Variants in USP47 observed in about 807,000 individuals in gnomAD.
USP47 encodes ubiquitin carboxyl-terminal hydrolase 47.
In USP47, 35 loss-of-function variants were observed where a neutral mutation model predicts 165.1. The observed-to-expected ratio is 0.21, with a 90% CI of 0.16 to 0.28. USP47 has a LOEUF of 0.28. Among genes scored for constraint, USP47 ranks in the 10% least tolerant of loss-of-function variants. The pLI, the probability that USP47 is intolerant of heterozygous loss-of-function variation, is 1.00. For synonymous variants in USP47, 531 were observed against 544.5 expected, an observed-to-expected ratio of 0.98 and a Z score of 0.35; for missense variants, 1,277 against 1,607.4, an observed-to-expected ratio of 0.79 and a Z score of 3.52.
chr11:11,936,044 C>T (rs375873011), intron 16 of USP47, among the ~76,000 whole-genome samples: 31 of 151,748 alleles, frequency 2.0e-4, no homozygotes, highest in South Asian at 8.3e-4. Flanking sequence ...ATGATGTTAA[C>T]TTTTTAAAAA....
intron 1 of USP47, among the ~76,000 whole-genome samples, chr11:11,875,198 T>G (rs1850332313): frequency 6.6e-6 from 1 of 152,168 alleles, no homozygotes; most frequent in Non-Finnish European, 1.5e-5. Context: ...TTAAAATACT[T>G]TATCTTAATT....
rs1246423946 is a variant in USP47, at chr11:11,948,483, A to G, written c.3273A>G (p.Thr1091=). Residue 1091 remains threonine (T), a synonymous_variant, in exon 22 of 28, where the codon ACA becomes ACG. Coordinates refer to ENST00000527733, the MANE Select transcript of USP47 (RefSeq NM_001282659.2). ...AAAATGTTTTTAACTTATAGATTAC[A>G]ATTAGACTGGGGAGAGCACTTAAAA... is the stretch of plus-strand genomic sequence containing the variant. ...LSSFSDDNKI[T]IRLGRALKKG... is the part of the protein sequence containing the mutation. The G allele has an allele frequency of 1.9e-6, 3 of 1,611,768 alleles. No individual in the cohort carries two copies. The African/African-American group carries it at 4.0e-5, about 22-fold the overall frequency.
chr11:11,900,395 C>T (rs910027877), intron 5 of USP47, among the ~76,000 whole-genome samples: 8 of 152,100 alleles, frequency 5.3e-5, no homozygotes, highest in Admixed American at 2.0e-4. Context: ...CTCCTGACCT[C>T]GTGATCCGCC....
intron 8 of USP47, among the ~76,000 whole-genome samples, chr11:11,910,704 A>G (rs552813226): frequency 6.6e-6 from 1 of 152,234 alleles, no homozygotes; most frequent in East Asian, 1.9e-4. Context: ...AGATGTCCAC[A>G]TAGGCCAAGT....
chr11:11,918,827 A>G (rs924252851), intron 8 of USP47, among the ~76,000 whole-genome samples: 1 of 152,004 alleles, frequency 6.6e-6, no homozygotes, highest in African/African-American at 2.4e-5. Context: ...AGTTTTTACC[A>G]GTTTAAATTA....
chr11:11,944,190 A>G (rs1157031492), intron 20 of USP47, among the ~76,000 whole-genome samples: 2 of 149,850 alleles, frequency 1.3e-5, no homozygotes, highest in East Asian at 3.9e-4. Flanking sequence ...GCCAGGCCCT[A>G]TGTAACTGTT....
intron 8 of USP47, among the ~76,000 whole-genome samples, chr11:11,914,131 T>A (rs562509493): frequency 1.3e-5 from 2 of 152,216 alleles, no homozygotes; most frequent in East Asian, 3.9e-4. Context: ...TGATTTGGAA[T>A]GGAATACTAC....
At chr11:11,944,872 C>G (rs1313818938) in intron 20 of USP47, among the ~76,000 whole-genome samples, 1 of 152,114 alleles carries the variant, frequency 6.6e-6, no homozygotes, top group Non-Finnish European at 1.5e-5. Context: ...GAATGATGTG[C>G]TAAAAATTTG....
intron 1 of USP47, among the ~76,000 whole-genome samples, chr11:11,867,533 A>G (rs565477287): frequency 7.9e-5 from 12 of 152,290 alleles, no homozygotes; most frequent in African/African-American, 2.9e-4. Flanking sequence ...ATTATTTTCT[A>G]GGAATTCTGC....
chr11:11,919,481 A>G, intron 8 of USP47, among the ~76,000 whole-genome samples: 1 of 151,914 alleles, frequency 6.6e-6, no homozygotes, highest in East Asian at 1.9e-4. Context: ...CTGATTCTTT[A>G]ACAGTATTTA....
At chr11:11,929,085 TATC>T (rs1854466918) in intron 11 of USP47, among the ~76,000 whole-genome samples, 1 of 152,086 alleles carries the variant, frequency 6.6e-6, no homozygotes, top group Non-Finnish European at 1.5e-5. Context: ...GGATTTTTTT[TATC>T]GACTGTGTAT....
chr11:11,938,461 C>G (rs1420207222), intron 18 of USP47, 89 bp downstream of exon 18: 11 of 901,890 alleles, frequency 1.2e-5, no homozygotes, highest in Non-Finnish European at 1.5e-5. Flanking sequence ...AAGATACATG[C>G]TTTACCTCCA....
chr11:11,934,084 C>G, intron 16 of USP47, 149 bp downstream of exon 16: 1 of 598,692 alleles, frequency 1.7e-6, no homozygotes, highest in East Asian at 3.2e-5. Context: ...ATATTTATAC[C>G]TCTCCTTTGG....
intron 8 of USP47, among the ~76,000 whole-genome samples, chr11:11,909,220 A>G (rs920921116): frequency 2.0e-5 from 3 of 152,160 alleles, no homozygotes; most frequent in Non-Finnish European, 4.4e-5. Flanking sequence ...GTTGTTTTAC[A>G]TATTTTTTAT....
intron 15 of USP47, 121 bp downstream of exon 15, chr11:11,933,237 C>A: frequency 1.2e-6 from 1 of 835,752 alleles, no homozygotes; most frequent in Non-Finnish European, 1.9e-6. Flanking sequence ...GATCATTGAA[C>A]AGTGTAACCA....
At chr11:11,940,053 C>T (rs1855355450) in intron 18 of USP47, among the ~76,000 whole-genome samples, 1 of 151,858 alleles carries the variant, frequency 6.6e-6, no homozygotes, top group South Asian at 2.1e-4. Context: ...ATAGAAAGGC[C>T]TGTCAAAAGC....
At chr11:11,857,884 A>G (rs1312541098) in intron 1 of USP47, among the ~76,000 whole-genome samples, 1 of 152,196 alleles carries the variant, frequency 6.6e-6, no homozygotes, top group Non-Finnish European at 1.5e-5. Flanking sequence ...CTTCATTTGC[A>G]TAGAAGTGCA....
chr11:11,945,345 G>A (rs554549203), intron 20 of USP47, among the ~76,000 whole-genome samples: 5 of 152,116 alleles, frequency 3.3e-5, no homozygotes, highest in Non-Finnish European at 7.4e-5. Context: ...TGATAAAATG[G>A]CAAGGAAGAA....
intron 1 of USP47, among the ~76,000 whole-genome samples, chr11:11,871,831 C>T (rs1850088579): frequency 1.3e-5 from 2 of 152,164 alleles, no homozygotes; most frequent in Non-Finnish European, 2.9e-5. Flanking sequence ...TGCACTGCAG[C>T]CTAGAAGGTG....
Sources: gnomAD v4.1 joint callset for allele counts (sites outside exome capture counted in the v4.1 genomes callset) on GRCh38, gnomAD v4.1.1 for gene constraint, MANE v1.5 for transcripts, NCBI Gene and HGNC (gene_info 2026-07-23, HGNC 2026-07-21) for gene names.